Variants in NRK observed in about 807,000 individuals in gnomAD.
The protein encoded by NRK is Nik related kinase.
A neutral mutation model predicts 125.2 loss-of-function variants in NRK; 67 were observed. That is an observed-to-expected ratio of 0.54 (90% confidence interval 0.44 to 0.66). The LOEUF is 0.66. NRK is among the 30% of genes least tolerant of loss of function. The probability of loss-of-function intolerance (pLI) is 0.00; values close to 1 mark genes in which losing one functional copy is unlikely to be tolerated. For missense variants in NRK, 1,224 were observed against 1,192.9 expected (o/e 1.03, Z -0.38); for synonymous variants, 458 against 429.0 (o/e 1.07, Z -0.84).
At chrX:105,917,507 C>T (rs2040381600) in intron 15 of NRK, 71 bp from the exon 16 acceptor site, 1 of 594,369 alleles carries the variant, frequency 1.7e-6, no homozygotes. Flanking sequence ...TTGTGTTGGA[C>T]TTTATGTTGA....
chrX:105,925,177 G>A lies in NRK; in HGVS notation c.3312+146G>A, dbSNP rs189670344. 73 of 440,242 alleles carry A rather than the reference G, an allele frequency of 1.7e-4. No homozygotes were observed. The African/African-American group carries it at 1.8e-3, about 11-fold the overall frequency. The allele number at this position is 440,242 out of a possible 1,213,427, so 36.3% of individuals were successfully genotyped here. Reference sequence around the variant, plus strand: ...CATTTTTAATTATAGGTTTGTAGGTGGATCCTTATTACCTCTAATTTGGGT... The same window carrying A: ...CATTTTTAATTATAGGTTTGTAGGTAGATCCTTATTACCTCTAATTTGGGT... On this transcript the variant is annotated intron_variant, in intron 19 of 28. Coordinates refer to ENST00000243300, the MANE Select transcript of NRK (RefSeq NM_198465.4).
chrX:105,924,345 G>A (rs2040494511), intron 18 of NRK, among the ~76,000 whole-genome samples: 1 of 111,310 alleles, frequency 9.0e-6, no homozygotes, highest in African/African-American at 3.3e-5. Flanking sequence ...TCATTCATGT[G>A]TCTGTGAAGT....
chrX:105,882,531 A>G (rs1026390456), intron 4 of NRK, among the ~76,000 whole-genome samples: 4 of 111,575 alleles, frequency 3.6e-5, no homozygotes, highest in Non-Finnish European at 7.5e-5. Context: ...GCTCTTATCA[A>G]TATAATGAAT....
intron 2 of NRK, among the ~76,000 whole-genome samples, chrX:105,842,715 GGCTATA>G (rs2039346390): frequency 9.0e-6 from 1 of 111,554 alleles, no homozygotes; most frequent in African/African-American, 3.3e-5. Flanking sequence ...AGGTCTAAGT[GGCTATA>G]GCTTGGAAGG....
chrX:105,859,316 A>G (rs2039572063), intron 2 of NRK, among the ~76,000 whole-genome samples: 1 of 111,719 alleles, frequency 9.0e-6, no homozygotes, highest in Non-Finnish European at 1.9e-5. Flanking sequence ...TATATAGAAT[A>G]GTAAAATTGC....
intron 2 of NRK, among the ~76,000 whole-genome samples, chrX:105,839,568 G>T (rs1021114217): frequency 6.3e-5 from 7 of 111,872 alleles, no homozygotes; most frequent in Non-Finnish European, 1.1e-4. Context: ...CTCTAGCATA[G>T]AAAACATTAA....
At chrX:105,926,451 AG>A (rs1223715118) in intron 19 of NRK, among the ~76,000 whole-genome samples, 1 of 111,510 alleles carries the variant, frequency 9.0e-6, no homozygotes, top group Non-Finnish European at 1.9e-5. Flanking sequence ...CTCATTCTTC[AG>A]GTTGTTTCTT....
intron 2 of NRK, among the ~76,000 whole-genome samples, chrX:105,834,146 A>G (rs2039231487): frequency 9.0e-6 from 1 of 111,138 alleles, no homozygotes; most frequent in Admixed American, 9.6e-5. Flanking sequence ...AACTTCCTCT[A>G]ATATTTCTTA....
chrX:105,828,642 CTG>C (rs764301889), intron 1 of NRK, among the ~76,000 whole-genome samples: 3 of 111,741 alleles, frequency 2.7e-5, no homozygotes, highest in African/African-American at 9.7e-5. Context: ...TGGCCAAAGA[CTG>C]TTTCTCCAGA....
chrX:105,917,466 T>A (rs1315963393), intron 15 of NRK, 112 bp from the exon 16 acceptor site: 1 of 353,234 alleles, frequency 2.8e-6, no homozygotes, highest in African/African-American at 2.6e-5. Context: ...CTTTTTCAGT[T>A]TGATATGTAC....
At chrX:105,921,561 C>T (rs767841566) in intron 16 of NRK, among the ~76,000 whole-genome samples, 4 of 109,755 alleles carry the variant, frequency 3.6e-5, no homozygotes, top group African/African-American at 6.6e-5. Context: ...AATACACTGT[C>T]GGGCTTTTTT....
intron 2 of NRK, among the ~76,000 whole-genome samples, chrX:105,863,758 G>A (rs1427941324): frequency 8.9e-6 from 1 of 112,158 alleles, no homozygotes; most frequent in Non-Finnish European, 1.9e-5. Flanking sequence ...AAGAGAAGGA[G>A]CCTGACAATC....
At chrX:105,903,363 G>A (rs2040183174) in intron 9 of NRK, among the ~76,000 whole-genome samples, 1 of 111,370 alleles carries the variant, frequency 9.0e-6, no homozygotes, top group African/African-American at 3.3e-5. Context: ...TTACCTGAGT[G>A]CATTGTGGCT....
rs182158178 is a variant in NRK, at chrX:105,845,254, G to T, written c.123+14135G>T. ...GGGCAGGGACTAGATAATATTCATT[G>T]TTTCTTTTATATTCCCTGCAGTAGC... On this transcript the variant is annotated intron_variant, in intron 2 of 28. Coordinates refer to ENST00000243300, the MANE Select transcript of NRK (RefSeq NM_198465.4). Among the ~76,000 whole-genome samples the T allele has an allele frequency of 3.6e-5, 4 of 111,941 alleles. No individual in the cohort carries two copies. In the East Asian group the frequency reaches 1.1e-3, roughly 32 times the overall value.
At chrX:105,823,763 G>C (rs2039055760) in intron 1 of NRK, among the ~76,000 whole-genome samples, 1 of 111,379 alleles carries the variant, frequency 9.0e-6, no homozygotes, top group Non-Finnish European at 1.9e-5. Context: ...ACCCAAATCC[G>C]TGTTTCAAGT....
intron 2 of NRK, among the ~76,000 whole-genome samples, chrX:105,867,269 T>C (rs1034827698): frequency 1.1e-4 from 12 of 111,503 alleles, no homozygotes; most frequent in African/African-American, 2.3e-4. Flanking sequence ...ACAGATACTC[T>C]CTTGCCTCGG....
intron 21 of NRK, 85 bp from the exon 22 acceptor site, chrX:105,937,354 G>A: frequency 2.2e-6 from 1 of 452,398 alleles, no homozygotes; most frequent in Non-Finnish European, 3.8e-6. Flanking sequence ...ACATAGATCA[G>A]CATACTGGAA....
chrX:105,881,605 A>G (rs2039885265), intron 3 of NRK, 103 bp from the exon 4 acceptor site: 2 of 421,226 alleles, frequency 4.7e-6, no homozygotes, highest in Non-Finnish European at 8.2e-6. Flanking sequence ...GAATAATGTT[A>G]TCTTACTTTT....
At chrX:105,845,428 C>T (rs1159732370) in intron 2 of NRK, among the ~76,000 whole-genome samples, 1 of 111,099 alleles carries the variant, frequency 9.0e-6, no homozygotes, top group Admixed American at 9.6e-5. Flanking sequence ...ATGCAAGAGA[C>T]CTTAGAACTA....
Sources: allele counts gnomAD v4.1 joint callset (sites outside exome capture counted in the v4.1 genomes callset), GRCh38; gene constraint gnomAD v4.1.1; transcripts MANE v1.5; gene names NCBI Gene and HGNC (gene_info 2026-07-23, HGNC 2026-07-21).